TAF4B: variants seen among roughly 807,000 people sequenced by gnomAD.
The protein encoded by TAF4B is transcription initiation factor TFIID subunit 4B.
Under a neutral mutation model 86.4 loss-of-function variants are expected in TAF4B, and 38 were observed. That is an observed-to-expected ratio of 0.44 (90% confidence interval 0.34 to 0.58). TAF4B has a LOEUF of 0.58. Among genes scored for constraint, TAF4B ranks in the 20% least tolerant of loss-of-function variants. The pLI, the probability that TAF4B is intolerant of heterozygous loss-of-function variation, is 0.02. For missense variants in TAF4B, 988 were observed against 1,027.6 expected, an observed-to-expected ratio of 0.96 and a Z score of 0.53; for synonymous variants, 388 against 391.2, an observed-to-expected ratio of 0.99 and a Z score of 0.10.
intron 12 of TAF4B, among the ~76,000 whole-genome samples, chr18:26,328,475 CA>C (rs910739468): frequency 6.6e-6 from 1 of 151,796 alleles, no homozygotes; most frequent in Non-Finnish European, 1.5e-5. Context: ...AAAAACAAAA[CA>C]AAAAAACTCC....
At chr18:26,260,046 A>AT in intron 1 of TAF4B, among the ~76,000 whole-genome samples, 1 of 151,992 alleles carries the variant, frequency 6.6e-6, no homozygotes, top group African/African-American at 2.4e-5. Flanking sequence ...GATGATGAGC[A>AT]TTTTTTCATG....
chr18:26,294,617 A>G lies in TAF4B; in HGVS notation c.1832+1086A>G, dbSNP rs143523242. ...CATTTTTATATGTACAAATATATAA[A>G]CAAACATATAACATTTGTATATATA... On this transcript the variant is annotated intron_variant, in intron 9 of 14. Transcript: ENST00000269142. 3.2e-4 allele frequency among the ~76,000 whole-genome samples: 47 copies of G among 146,178 alleles called. 1 individual carries two copies. Among genetic ancestry groups the G allele is most frequent in the African/African-American group, 1.0e-3 (42 of 40,768 alleles).
chr18:26,325,136 GACATGTAGT>G (rs1234608048), intron 11 of TAF4B, among the ~76,000 whole-genome samples: 1 of 152,228 alleles, frequency 6.6e-6, no homozygotes, highest in Non-Finnish European at 1.5e-5. Context: ...AGTAGAAAGT[GACATGTAGT>G]ACAGAGCTTT....
rs1438019836 is a variant in TAF4B, at chr18:26,227,138, C to G, written c.205C>G (p.Leu69Val). The G allele has an allele frequency of 9.3e-6, 15 of 1,613,858 alleles. No individual in the cohort carries two copies. Among genetic ancestry groups the G allele is most frequent in the Non-Finnish European group, 1.3e-5 (15 of 1,179,960 alleles). The stretch of plus-strand genomic sequence containing the variant: ...GCCCCTGCGGTCCCCCGTGGGGACC[C>G]TGGTGACCAAAGTGGCTCCGGTCAG... Reference protein sequence around the residue: ...SQPLRSPVGTLVTKVAPVSAP... With the variant: ...SQPLRSPVGTVVTKVAPVSAP... The change falls in exon 1 of 15, where the codon CTG becomes GTG. Residue 69 changes from leucine (L) to valine (V), a missense_variant. This residue lies in a region of TAF4B where 747 missense variants were observed against 737.9 expected (regional missense o/e 1.01). Transcript: ENST00000269142.
chr18:26,375,284 G>A (rs868755946), intron 14 of TAF4B, among the ~76,000 whole-genome samples: 1 of 152,072 alleles, frequency 6.6e-6, no homozygotes, highest in African/African-American at 2.4e-5. Flanking sequence ...ATATTCCATT[G>A]TATGAATATG....
chr18:26,383,029 G>A (rs1160645068), intron 14 of TAF4B, among the ~76,000 whole-genome samples: 1 of 152,098 alleles, frequency 6.6e-6, no homozygotes, highest in Non-Finnish European at 1.5e-5. Flanking sequence ...AGAATGCTAT[G>A]TGCAATTAAT....
At chr18:26,352,551 C>T (rs2057254091) in intron 13 of TAF4B, among the ~76,000 whole-genome samples, 1 of 152,096 alleles carries the variant, frequency 6.6e-6, no homozygotes, top group African/African-American at 2.4e-5. Flanking sequence ...GAAGAGAAAT[C>T]ACTAATATTG....
At chr18:26,257,098 AG>A (rs2056096365) in intron 1 of TAF4B, among the ~76,000 whole-genome samples, 2 of 152,154 alleles carry the variant, frequency 1.3e-5, no homozygotes, top group Admixed American at 1.3e-4. Context: ...GATCTGAGTT[AG>A]GTTTAGTTGG....
At chr18:26,274,299 G>A (rs912055141) in intron 3 of TAF4B, among the ~76,000 whole-genome samples, 2 of 152,142 alleles carry the variant, frequency 1.3e-5, no homozygotes. Context: ...GATACTTCTT[G>A]GAGTATTAAT....
At position 26,391,626 on chromosome 18, in the gene TAF4B, T is replaced by C. The variant is rs1567937524; in HGVS notation, c.*1614T>C. On this transcript the variant is annotated 3_prime_UTR_variant, in exon 15 of 15. Transcript: ENST00000269142. ...CATACTCATTTGTGTATAATCTTAC[T>C]GATCAGATGTTTAAAATTATTCCAA... The C allele has an allele frequency of 1.3e-5, 2 of 152,254 alleles. No homozygotes were observed. The highest frequency in any genetic ancestry group is 4.8e-5 in the African/African-American group (2 of 41,474). The allele number at this position is 152,254 out of a possible 1,614,324, so 9.4% of individuals were successfully genotyped here.
intron 12 of TAF4B, among the ~76,000 whole-genome samples, chr18:26,327,613 C>G (rs534257734): frequency 6.7e-6 from 1 of 150,066 alleles, no homozygotes; most frequent in Non-Finnish European, 1.5e-5. Context: ...CACTGTCACC[C>G]AGGCTGGAAT....
chr18:26,278,958 C>T (rs1284372840), intron 5 of TAF4B, among the ~76,000 whole-genome samples: 4 of 151,580 alleles, frequency 2.6e-5, no homozygotes, highest in African/African-American at 7.3e-5. Context: ...GAACCATTTC[C>T]CTTGAGAATT....
intron 11 of TAF4B, among the ~76,000 whole-genome samples, chr18:26,321,481 T>C (rs1428795409): frequency 6.6e-6 from 1 of 151,932 alleles, no homozygotes; most frequent in Non-Finnish European, 1.5e-5. Flanking sequence ...AGGAAAGATA[T>C]GTTAGAATGG....
chr18:26,242,677 C>G (rs1007225776), intron 1 of TAF4B, among the ~76,000 whole-genome samples: 9 of 152,162 alleles, frequency 5.9e-5, no homozygotes, highest in Non-Finnish European at 1.3e-4. Context: ...TTCTTCCTAG[C>G]ATCGATGGTC....
chr18:26,226,843 A>T lies in TAF4B; in HGVS notation c.-91A>T. 2 of 1,092,102 alleles carry T rather than the reference A, an allele frequency of 1.8e-6. No homozygotes were observed. Among genetic ancestry groups the T allele is most frequent in the Non-Finnish European group, 2.4e-6 (2 of 834,316 alleles). 67.7% of individuals were successfully genotyped at this position (1,092,102 alleles called of 1,614,324 possible). Reference sequence around the variant, plus strand: ...TCCCCAGCGATGCTGTGGAACCCGAACCGCACCGGAGTCGGCTGCCGCGCG... The same window carrying T: ...TCCCCAGCGATGCTGTGGAACCCGATCCGCACCGGAGTCGGCTGCCGCGCG... On this transcript the variant is annotated 5_prime_UTR_variant, in exon 1 of 15. Coordinates refer to ENST00000269142, the MANE Select transcript of TAF4B (RefSeq NM_005640.3).
Position 26,295,164 on chromosome 18 carries a change from C to T in TAF4B, c.1832+1633C>T, listed in dbSNP as rs117008193. 609 of 323,534 alleles carry T rather than the reference C, an allele frequency of 1.9e-3. 3 individuals carry two copies. The highest frequency in any genetic ancestry group is 2.8e-3 in the Non-Finnish European group (445 of 161,050). 20.0% of individuals were successfully genotyped at this position (323,534 alleles called of 1,614,324 possible). Reference sequence around the variant, plus strand: ...TGTATAAAATTTGTACCTTAGTCTTCCTCATCCCCCCATGTACATTTTATT... The same window carrying T: ...TGTATAAAATTTGTACCTTAGTCTTTCTCATCCCCCCATGTACATTTTATT... On this transcript the variant is annotated intron_variant, in intron 9 of 14. Coordinates refer to ENST00000269142, the MANE Select transcript of TAF4B (RefSeq NM_005640.3).
At chr18:26,321,007 T>G (rs898685592) in intron 10 of TAF4B, 63 bp from the exon 11 acceptor site, 3 of 1,593,190 alleles carry the variant, frequency 1.9e-6, no homozygotes, top group Non-Finnish European at 2.6e-6. Flanking sequence ...ATACCTGCTG[T>G]GCTAATTATT....
chr18:26,289,911 A>G (rs1167408677), intron 7 of TAF4B, among the ~76,000 whole-genome samples: 1 of 152,132 alleles, frequency 6.6e-6, no homozygotes, highest in East Asian at 1.9e-4. Flanking sequence ...AGTGATGGGG[A>G]TTGAAGGTTG....
intron 1 of TAF4B, among the ~76,000 whole-genome samples, chr18:26,252,999 A>T (rs919758921): frequency 6.6e-6 from 1 of 152,102 alleles, no homozygotes; most frequent in African/African-American, 2.4e-5. Flanking sequence ...AGATCATGCC[A>T]TCTGTAAATA....
Sources: allele counts gnomAD v4.1 joint callset (sites outside exome capture counted in the v4.1 genomes callset), GRCh38; gene constraint gnomAD v4.1.1; regional missense constraint gnomAD v4.1.1; transcripts MANE v1.5; gene names NCBI Gene and HGNC (gene_info 2026-07-23, HGNC 2026-07-21).